NCOA1: variants seen among roughly 807,000 people sequenced by gnomAD.
The protein encoded by NCOA1 is nuclear receptor coactivator 1, also known as Hin-2 protein.
A neutral mutation model predicts 150.9 loss-of-function variants in NCOA1; 35 were observed. That is an observed-to-expected ratio of 0.23 (90% CI 0.18 to 0.31). The LOEUF (loss-of-function observed/expected upper bound fraction) is 0.31, where lower values mean the gene tolerates loss of function less well. NCOA1 is among the 10% of genes least tolerant of loss of function. NCOA1 has a pLI of 1.00. For synonymous variants in NCOA1, 590 were observed against 630.0 expected (o/e 0.94, Z 0.95); for missense variants, 1,491 against 1,749.3 (o/e 0.85, Z 2.63).
chr2:24,608,400 C>T (rs1420533167), intron 3 of NCOA1, among the ~76,000 whole-genome samples: 1 of 151,174 alleles, frequency 6.6e-6, no homozygotes, highest in Non-Finnish European at 1.5e-5. Flanking sequence ...CCTGCCTCAG[C>T]CTCCTAAGTA....
At position 24,491,333 on chromosome 2, in the gene NCOA1, G is replaced by A. The variant is rs1180504866; in HGVS notation, c.-665G>A. Among the ~76,000 whole-genome samples the A allele has an allele frequency of 1.4e-5, 2 of 147,838 alleles. No homozygotes were observed. Among genetic ancestry groups the A allele is most frequent in the African/African-American group, 2.4e-5 (1 of 40,964 alleles). On this transcript the variant is annotated 5_prime_UTR_variant, in exon 1 of 23. Coordinates refer to ENST00000348332, the MANE Select transcript of NCOA1 (RefSeq NM_003743.5). Reference sequence around the variant, plus strand: ...TGCCTGTTCTTCAGGCCGGGCGAGCGGGAGTCTGACGCGATTTGCTGAGCT... The same window carrying A: ...TGCCTGTTCTTCAGGCCGGGCGAGCAGGAGTCTGACGCGATTTGCTGAGCT...
intron 6 of NCOA1, among the ~76,000 whole-genome samples, chr2:24,666,426 A>G (rs1671431338): frequency 6.6e-6 from 1 of 152,214 alleles, no homozygotes; most frequent in Non-Finnish European, 1.5e-5. Context: ...TTGTTATAAC[A>G]AAGTGTCTTA....
intron 2 of NCOA1, among the ~76,000 whole-genome samples, chr2:24,567,322 C>G (rs1477847911): frequency 6.6e-6 from 1 of 152,162 alleles, no homozygotes; most frequent in African/African-American, 2.4e-5. Context: ...TATAGTTCGT[C>G]TTAGTACCAG....
intron 3 of NCOA1, among the ~76,000 whole-genome samples, chr2:24,602,154 G>A (rs1429415458): frequency 6.6e-6 from 1 of 152,146 alleles, no homozygotes; most frequent in African/African-American, 2.4e-5. Flanking sequence ...CAAGTCATGT[G>A]ATTGGGGAAG....
At chr2:24,626,549 T>C (rs948748255) in intron 3 of NCOA1, among the ~76,000 whole-genome samples, 5 of 152,158 alleles carry the variant, frequency 3.3e-5, no homozygotes, top group African/African-American at 1.2e-4. Context: ...AAAGTGGTAG[T>C]ATGGTTGCTG....
At chr2:24,581,545 T>C (rs533613265) in intron 2 of NCOA1, among the ~76,000 whole-genome samples, 4 of 152,326 alleles carry the variant, frequency 2.6e-5, no homozygotes, top group African/African-American at 7.2e-5. Context: ...CCTTATTCTT[T>C]GCCTGGAGAG....
At chr2:24,715,911 G>A (rs1411791139) in intron 14 of NCOA1, among the ~76,000 whole-genome samples, 1 of 152,132 alleles carries the variant, frequency 6.6e-6, no homozygotes, top group African/African-American at 2.4e-5. Flanking sequence ...GGGAGGCCGA[G>A]GCAGGCGGAT....
intron 2 of NCOA1, among the ~76,000 whole-genome samples, chr2:24,569,193 G>T (rs1407703577): frequency 6.6e-6 from 1 of 152,166 alleles, no homozygotes; most frequent in Non-Finnish European, 1.5e-5. Context: ...TTGGCCACTA[G>T]AGCCACCTCT....
intron 14 of NCOA1, among the ~76,000 whole-genome samples, chr2:24,715,350 A>G (rs1167726031): frequency 2.6e-5 from 4 of 152,332 alleles, no homozygotes; most frequent in East Asian, 1.9e-4. Flanking sequence ...AGAAAAATGT[A>G]TGACAGTAAT....
chr2:24,530,538 T>C (rs1260800724), intron 1 of NCOA1, among the ~76,000 whole-genome samples: 1 of 152,242 alleles, frequency 6.6e-6, no homozygotes, highest in East Asian at 1.9e-4. Flanking sequence ...TTAATTTACC[T>C]GTTGTTTCCA....
chr2:24,506,770 C>T (rs62140840), intron 1 of NCOA1, among the ~76,000 whole-genome samples: 10,948 of 152,184 alleles, frequency 0.072, 559 homozygotes, highest in Non-Finnish European at 0.11. Flanking sequence ...AACCTAGAAA[C>T]AGCATTTTTT....
chr2:24,583,196 A>G (rs901221367), intron 2 of NCOA1, among the ~76,000 whole-genome samples: 8 of 152,202 alleles, frequency 5.3e-5, no homozygotes, highest in Non-Finnish European at 8.8e-5. Flanking sequence ...AAAATAAGTA[A>G]GAAACTCAAC....
intron 17 of NCOA1, among the ~76,000 whole-genome samples, chr2:24,732,541 T>C (rs541438924): frequency 2.0e-5 from 3 of 152,296 alleles, no homozygotes; most frequent in African/African-American, 7.2e-5. Flanking sequence ...TGTGTCCACT[T>C]AAGGGCTTTC....
At chr2:24,515,653 TATTGA>T (rs1363500334) in intron 1 of NCOA1, among the ~76,000 whole-genome samples, 7 of 152,206 alleles carry the variant, frequency 4.6e-5, no homozygotes, top group African/African-American at 1.7e-4. Context: ...TTATTTGCAT[TATTGA>T]ATTATTGGTC....
intron 3 of NCOA1, among the ~76,000 whole-genome samples, chr2:24,610,377 G>A (rs887418497): frequency 7.2e-5 from 11 of 151,796 alleles, no homozygotes; most frequent in South Asian, 6.2e-4. Context: ...TTCTGACCTC[G>A]TAATCTGCCC....
chr2:24,690,346 G>T (rs1224008939), intron 8 of NCOA1, among the ~76,000 whole-genome samples: 1 of 151,908 alleles, frequency 6.6e-6, no homozygotes, highest in African/African-American at 2.4e-5. Context: ...GTAGGAAAAC[G>T]TTTGGGAACA....
At chr2:24,610,600 C>T (rs887566093) in intron 3 of NCOA1, among the ~76,000 whole-genome samples, 10 of 151,726 alleles carry the variant, frequency 6.6e-5, no homozygotes, top group Admixed American at 3.9e-4. Context: ...TATATTCTCT[C>T]GAGCTTTACT....
At chr2:24,627,126 T>TTTG in intron 3 of NCOA1, among the ~76,000 whole-genome samples, 1 of 147,412 alleles carries the variant, frequency 6.8e-6, no homozygotes, top group East Asian at 2.0e-4. Context: ...TTGCTGTTTT[T>TTTG]TTTTTTTTTT....
chr2:24,711,127 A>G lies in NCOA1; in HGVS notation c.2599+16A>G, dbSNP rs1477717696. On this transcript the variant is annotated intron_variant, in intron 14 of 22. Coordinates refer to ENST00000348332, the MANE Select transcript of NCOA1 (RefSeq NM_003743.5). Reference sequence around the variant, plus strand: ...AGGCTAAATAGTATGTTCTGGGGACAACACCTCATTTTAAACGTTTAGTGA... The same window carrying G: ...AGGCTAAATAGTATGTTCTGGGGACGACACCTCATTTTAAACGTTTAGTGA... 3 of 1,598,112 alleles carry G rather than the reference A, an allele frequency of 1.9e-6. No homozygotes were observed. Among genetic ancestry groups the G allele is most frequent in the South Asian group, 1.1e-5 (1 of 89,188 alleles).
Sources: gnomAD v4.1 joint callset for allele counts (sites outside exome capture counted in the v4.1 genomes callset) on GRCh38, gnomAD v4.1.1 for gene constraint, MANE v1.5 for transcripts, NCBI Gene and HGNC (gene_info 2026-07-23, HGNC 2026-07-21) for gene names.